The following NAALADL2 variants were observed in gnomAD, a reference collection of about 807,000 sequenced individuals.
NAALADL2 encodes inactive N-acetylated-alpha-linked acidic dipeptidase-like protein 2.
Under a neutral mutation model 87.2 loss-of-function variants are expected in NAALADL2, and 76 were observed. The observed-to-expected ratio is 0.87, with a 90% CI of 0.72 to 1.05. The LOEUF (loss-of-function observed/expected upper bound fraction) is 1.05, where lower values mean the gene tolerates loss of function less well. Ranked by LOEUF, NAALADL2 falls within the 50% of genes least tolerant of loss-of-function variation. NAALADL2 has a pLI of 0.00. For missense variants in NAALADL2, 1,089 were observed against 945.8 expected, an observed-to-expected ratio of 1.15 and a Z score of -1.99; for synonymous variants, 354 against 331.0, an observed-to-expected ratio of 1.07 and a Z score of -0.75.
chr3:174,991,254 C>G (rs77838125), intron 1 of NAALADL2, among the ~76,000 whole-genome samples: 3 of 151,934 alleles, frequency 2.0e-5, no homozygotes, highest in Non-Finnish European at 4.4e-5. Context: ...ACAGTAAATA[C>G]AAGAGACAAT....
intron 1 of NAALADL2, among the ~76,000 whole-genome samples, chr3:175,084,303 G>A (rs915548093): frequency 2.0e-5 from 3 of 152,094 alleles, no homozygotes; most frequent in African/African-American, 7.2e-5. Context: ...GCTCCACATG[G>A]CATTGACTGC....
intron 1 of NAALADL2, among the ~76,000 whole-genome samples, chr3:174,970,667 T>C (rs929058972): frequency 4.6e-5 from 7 of 152,200 alleles, no homozygotes; most frequent in Admixed American, 4.6e-4. Flanking sequence ...AATTGTAATA[T>C]GTTGTTCTTC....
chr3:175,585,430 A>G (rs920258978), intron 10 of NAALADL2, among the ~76,000 whole-genome samples: 1 of 152,212 alleles, frequency 6.6e-6, no homozygotes, highest in Admixed American at 6.5e-5. Flanking sequence ...CTAGTTTTCT[A>G]TACAAAGGTC....
intron 1 of NAALADL2, among the ~76,000 whole-genome samples, chr3:174,891,328 C>T (rs1426351867): frequency 6.6e-6 from 1 of 152,032 alleles, no homozygotes; most frequent in Non-Finnish European, 1.5e-5. Flanking sequence ...CACAGAGAAA[C>T]ACCTTATACG....
chr3:175,260,751 T>G (rs1305252180), intron 4 of NAALADL2, among the ~76,000 whole-genome samples: 1 of 152,120 alleles, frequency 6.6e-6, no homozygotes, highest in Non-Finnish European at 1.5e-5. Context: ...AAAAATGAAT[T>G]TGGGAGGGAA....
intron 11 of NAALADL2, among the ~76,000 whole-genome samples, chr3:175,719,230 A>T (rs1447858845): frequency 1.3e-5 from 2 of 152,146 alleles, no homozygotes; most frequent in Admixed American, 1.3e-4. Context: ...ACAAAAAAAA[A>T]AAAGGAAAGA....
chr3:175,336,361 A>G (rs1436961327), intron 5 of NAALADL2, among the ~76,000 whole-genome samples: 1 of 152,160 alleles, frequency 6.6e-6, no homozygotes, highest in Non-Finnish European at 1.5e-5. Flanking sequence ...GTCATTTTTG[A>G]GGAATATCTG....
chr3:175,656,161 T>C (rs1731434973), intron 11 of NAALADL2, among the ~76,000 whole-genome samples: 1 of 152,192 alleles, frequency 6.6e-6, no homozygotes, highest in Non-Finnish European at 1.5e-5. Flanking sequence ...TCAGCCTAAA[T>C]ATTGGATAAC....
intron 3 of NAALADL2, among the ~76,000 whole-genome samples, chr3:174,764,882 A>G (rs1713567392): frequency 6.6e-6 from 1 of 152,202 alleles, no homozygotes; most frequent in African/African-American, 2.4e-5. Context: ...AAGTCCAACT[A>G]GAAACAACCA....
At chr3:174,924,823 C>T (rs1442782668) in intron 1 of NAALADL2, among the ~76,000 whole-genome samples, 1 of 152,168 alleles carries the variant, frequency 6.6e-6, no homozygotes. Context: ...TGATGATGAG[C>T]ATTTTTTCAA....
At chr3:174,727,617 G>A (rs1732327368) in intron 2 of NAALADL2, among the ~76,000 whole-genome samples, 1 of 151,944 alleles carries the variant, frequency 6.6e-6, no homozygotes, top group South Asian at 2.1e-4. Context: ...AAAGAACAGA[G>A]TTCTCATGTA....
intron 11 of NAALADL2, among the ~76,000 whole-genome samples, chr3:175,689,522 A>G (rs1388076316): frequency 6.6e-6 from 1 of 152,154 alleles, no homozygotes; most frequent in African/African-American, 2.4e-5. Context: ...TTGAATTCTC[A>G]CTTACGACTT....
Position 174,691,502 on chromosome 3 carries a change from T to C in NAALADL2, c.-114-46139T>C, listed in dbSNP as rs541449192. 3.9e-4 allele frequency among the ~76,000 whole-genome samples: 59 copies of C among 152,210 alleles called. No homozygotes were observed. The South Asian group carries it at 0.012, about 31-fold the overall frequency. On this transcript the variant is annotated intron_variant, in intron 2 of 3. Coordinates refer to the NAALADL2 transcript ENST00000434257. ...CTGAGCCTTCAGCAAGTCCTAATTT[T>C]TGTTGGTGGAGAGTCTTGGCTGAAG...
At chr3:174,823,726 G>T (rs1721674808) in intron 3 of NAALADL2, among the ~76,000 whole-genome samples, 1 of 152,002 alleles carries the variant, frequency 6.6e-6, no homozygotes, top group Non-Finnish European at 1.5e-5. Flanking sequence ...TCTGCTTTTT[G>T]GGTTTTATTT....
intron 2 of NAALADL2, among the ~76,000 whole-genome samples, chr3:174,634,897 A>G (rs1453241402): frequency 6.6e-6 from 1 of 152,182 alleles, no homozygotes; most frequent in Non-Finnish European, 1.5e-5. Context: ...TTATAGATGT[A>G]AGCAGTGTTA....
At chr3:175,544,284 T>C (rs1339493870) in intron 9 of NAALADL2, among the ~76,000 whole-genome samples, 1 of 152,220 alleles carries the variant, frequency 6.6e-6, no homozygotes, top group African/African-American at 2.4e-5. Context: ...AAGTTATTTG[T>C]CTAGACAAAT....
At chr3:174,497,167 T>C (rs1718598539) in intron 1 of NAALADL2, among the ~76,000 whole-genome samples, 1 of 152,188 alleles carries the variant, frequency 6.6e-6, no homozygotes, top group Non-Finnish European at 1.5e-5. Context: ...ATTTCTTTTT[T>C]TTATTTCTAC....
chr3:175,138,587 C>T (rs906230268), intron 2 of NAALADL2, among the ~76,000 whole-genome samples: 11 of 150,738 alleles, frequency 7.3e-5, no homozygotes, highest in African/African-American at 2.2e-4. Flanking sequence ...CGAAAAATGG[C>T]TTTGCTTTAC....
chr3:175,704,701 A>G (rs1582955014), intron 11 of NAALADL2, among the ~76,000 whole-genome samples: 1 of 152,228 alleles, frequency 6.6e-6, no homozygotes, highest in Middle Eastern at 3.4e-3. Context: ...AATCTTTAAA[A>G]TTGGATATTT....
Sources: gnomAD v4.1 joint callset for allele counts (sites outside exome capture counted in the v4.1 genomes callset) on GRCh38, gnomAD v4.1.1 for gene constraint, MANE v1.5 for transcripts, NCBI Gene and HGNC (gene_info 2026-07-23, HGNC 2026-07-21) for gene names.